The following TRPC4 variants were observed in gnomAD, a reference collection of about 807,000 sequenced individuals.
TRPC4 encodes the protein transient receptor potential cation channel subfamily C member 4.
Under a neutral mutation model 99.4 loss-of-function variants are expected in TRPC4, and 49 were observed. The ratio of observed to expected loss-of-function variants is 0.49; its 90% CI spans 0.39 to 0.63. The LOEUF is 0.63. Ranked by LOEUF, TRPC4 falls within the 20% of genes least tolerant of loss-of-function variation. The pLI, the probability that TRPC4 is intolerant of heterozygous loss-of-function variation, is 0.00. For synonymous variants in TRPC4, 454 were observed against 425.9 expected, an observed-to-expected ratio of 1.07 and a Z score of -0.81; for missense variants, 898 against 1,152.9, an observed-to-expected ratio of 0.78 and a Z score of 3.20.
chr13:37,789,852 C>T (rs1957068732), intron 1 of TRPC4, among the ~76,000 whole-genome samples: 1 of 151,978 alleles, frequency 6.6e-6, no homozygotes, highest in South Asian at 2.1e-4. Context: ...TGGCACAAGA[C>T]TTTAGTAATT....
intron 6 of TRPC4, among the ~76,000 whole-genome samples, chr13:37,661,602 A>G (rs1952439310): frequency 6.6e-6 from 1 of 152,220 alleles, no homozygotes; most frequent in Non-Finnish European, 1.5e-5. Flanking sequence ...CAGGTTATGC[A>G]GCATAAAGTA....
At position 37,636,580 on chromosome 13, in the gene TRPC4, A is replaced by G. The variant is rs955479793; in HGVS notation, c.*323T>C. On this transcript the variant is annotated 3_prime_UTR_variant, in exon 11 of 11. Transcript: ENST00000379705. ...ATCTATTTTAGGAGTCAACTACCAC[A>G]TGAAATAAATTGCATTTGTTTTAAT... 4.3e-5 allele frequency: 8 copies of G among 187,536 alleles called. No homozygotes were observed. The highest frequency in any genetic ancestry group is 1.9e-4 in the African/African-American group (8 of 42,680). The allele number at this position is 187,536 out of a possible 1,614,324, so 11.6% of individuals were successfully genotyped here. A position where few individuals can be genotyped will look rare whatever the true frequency, so the allele number is the denominator to read the frequency against.
At position 37,696,999 on chromosome 13, in the gene TRPC4, C is replaced by G. The variant is rs553205349; in HGVS notation, c.898-4664G>C. ...ATGGCTTTTAAATGTCTCTGTCTCT[C>G]TCTGCTTCCTGGTGATACCTCTGGT... On this transcript the variant is annotated intron_variant, in intron 3 of 10. Coordinates refer to ENST00000379705, the MANE Select transcript of TRPC4 (RefSeq NM_016179.4). Among the ~76,000 whole-genome samples, 4 of 150,252 alleles carry G rather than the reference C, an allele frequency of 2.7e-5. No individual in the cohort carries two copies. In the East Asian group the frequency reaches 7.8e-4, roughly 29 times the overall value.
In TRPC4 at chr13:37,796,968, A is replaced by ATAAAATAAAGTAAAGTAAAGTAAAG. The variant is rs1555273561; in HGVS notation, c.-27-13609_-27-13608insCTTTACTTTACTTTACTTTATTTTA. 9.3e-4 allele frequency among the ~76,000 whole-genome samples: 107 copies of ATAAAATAAAGTAAAGTAAAGTAAAG among 115,098 alleles called. 2 individuals are homozygous for ATAAAATAAAGTAAAGTAAAGTAAAG. The East Asian group carries it at 0.016, about 18-fold the overall frequency. The allele number at this position is 115,098 out of a possible 152,430, so 75.5% of individuals were successfully genotyped here. A position where few individuals can be genotyped will look rare whatever the true frequency, so the allele number is the denominator to read the frequency against. On this transcript the variant is annotated intron_variant, in intron 1 of 10. Coordinates refer to ENST00000379705, the MANE Select transcript of TRPC4 (RefSeq NM_016179.4). ...ATAAAATAAAATAAAATAAAATAAA[A>ATAAAATAAAGTAAAGTAAAGTAAAG]TAAAGTAAAGTAAAGTAAAGTAAAG...
chr13:37,724,897 G>A (rs1954993036), intron 3 of TRPC4, among the ~76,000 whole-genome samples: 1 of 152,088 alleles, frequency 6.6e-6, no homozygotes, highest in African/African-American at 2.4e-5. Flanking sequence ...ATTATAGATG[G>A]AGAAAACGTT....
intron 4 of TRPC4, among the ~76,000 whole-genome samples, chr13:37,681,918 T>C (rs1022541797): frequency 6.6e-6 from 1 of 152,176 alleles, no homozygotes; most frequent in Non-Finnish European, 1.5e-5. Flanking sequence ...TTAAAAATAT[T>C]TGTAGATGTC....
At chr13:37,702,067 A>G (rs928933322) in intron 3 of TRPC4, among the ~76,000 whole-genome samples, 5 of 152,310 alleles carry the variant, frequency 3.3e-5, no homozygotes, top group Non-Finnish European at 4.4e-5. Context: ...ACCTTCTGGT[A>G]AGCGACTGTG....
Position 37,655,131 on chromosome 13 carries a change from T to C in TRPC4, c.1841A>G (p.Asn614Ser). 1 of 1,595,688 alleles carries C rather than the reference T, an allele frequency of 6.3e-7. No homozygotes were observed. The highest frequency in any genetic ancestry group is 8.5e-7 in the Non-Finnish European group (1 of 1,170,154). ...YNVISLVVLL[N>S]MLIAMMNNSY... is the part of the protein sequence containing the mutation. ...ATTATTCATCATAGCTATTAACATG[T>C]TGAGTAGAACAACCAGAGAGATGAC... The change falls in exon 7 of 11, where the codon AAC (asparagine) becomes AGC (serine). Residue 614 changes from asparagine (N) to serine (S), a missense_variant. Transcript: ENST00000379705.
chr13:37,657,464 TA>T (rs1430605218), intron 6 of TRPC4, among the ~76,000 whole-genome samples: 3 of 152,252 alleles, frequency 2.0e-5, no homozygotes, highest in Admixed American at 6.5e-5. Context: ...CTTCTAAAAT[TA>T]ATCATAGTGT....
At chr13:37,818,118 T>C (rs557864306) in intron 1 of TRPC4, among the ~76,000 whole-genome samples, 126 of 151,144 alleles carry the variant, frequency 8.3e-4, no homozygotes, top group Non-Finnish European at 1.4e-3. Context: ...AATGGGAGAA[T>C]ACTAGACAAA....
intron 2 of TRPC4, among the ~76,000 whole-genome samples, chr13:37,764,066 T>C (rs1184398151): frequency 6.6e-6 from 1 of 151,506 alleles, no homozygotes; most frequent in Non-Finnish European, 1.5e-5. Context: ...CCCCAAGCAA[T>C]GAGATTCCAT....
At chr13:37,733,297 A>G (rs1417120782) in intron 3 of TRPC4, among the ~76,000 whole-genome samples, 1 of 152,070 alleles carries the variant, frequency 6.6e-6, no homozygotes, top group Admixed American at 6.6e-5. Flanking sequence ...CTAAGAATAA[A>G]GTCACTTCTG....
At chr13:37,745,354 G>T (rs1340166627) in intron 3 of TRPC4, among the ~76,000 whole-genome samples, 1 of 149,130 alleles carries the variant, frequency 6.7e-6, no homozygotes, top group Admixed American at 6.7e-5. Context: ...TATGAATGCT[G>T]CATTTTCCAT....
chr13:37,819,772 C>T (rs1015131669), intron 1 of TRPC4, among the ~76,000 whole-genome samples: 1 of 151,070 alleles, frequency 6.6e-6, no homozygotes, highest in African/African-American at 2.4e-5. Flanking sequence ...ACCCTCATTA[C>T]ACAAATTTAC....
At chr13:37,668,357 T>C (rs530097708) in intron 5 of TRPC4, among the ~76,000 whole-genome samples, 2 of 152,320 alleles carry the variant, frequency 1.3e-5, no homozygotes, top group South Asian at 4.1e-4. Context: ...GGGAGCTTTG[T>C]CTAAGGCATT....
chr13:37,859,681 T>A (rs2139711130), intron 1 of TRPC4, among the ~76,000 whole-genome samples: 1 of 151,338 alleles, frequency 6.6e-6, no homozygotes, highest in South Asian at 2.1e-4. Context: ...AACATTTCAA[T>A]CACACAAAAA....
chr13:37,847,617 A>G (rs183805423), intron 1 of TRPC4, among the ~76,000 whole-genome samples: 187 of 152,230 alleles, frequency 1.2e-3, no homozygotes, highest in African/African-American at 4.2e-3. Flanking sequence ...GAACATCACA[A>G]TGCACCCCAT....
intron 1 of TRPC4, among the ~76,000 whole-genome samples, chr13:37,851,606 A>G (rs2139678925): frequency 6.6e-6 from 1 of 152,344 alleles, no homozygotes; most frequent in Admixed American, 6.5e-5. Flanking sequence ...AGAAGCCTAC[A>G]CCATTCATAT....
chr13:37,732,467 A>T (rs969538365), intron 3 of TRPC4, among the ~76,000 whole-genome samples: 3 of 152,162 alleles, frequency 2.0e-5, no homozygotes, highest in African/African-American at 7.2e-5. Flanking sequence ...TACTAGTAAG[A>T]GCAATTAGGC....
Sources: gnomAD v4.1 joint callset for allele counts (sites outside exome capture counted in the v4.1 genomes callset) on GRCh38, gnomAD v4.1.1 for gene constraint, MANE v1.5 for transcripts, NCBI Gene and HGNC (gene_info 2026-07-23, HGNC 2026-07-21) for gene names.